Variants in ARFIP1 observed in about 807,000 individuals in gnomAD.
ARFIP1 encodes ARF interacting protein 1, also known as arfaptin-1.
ARFIP1 carries 24 observed loss-of-function variants against 42.5 expected under a neutral mutation model. The ratio of observed to expected loss-of-function variants is 0.57; its 90% CI spans 0.41 to 0.80. The LOEUF (loss-of-function observed/expected upper bound fraction) is 0.80. Among genes scored for constraint, ARFIP1 ranks in the 30% least tolerant of loss-of-function variants. The probability of loss-of-function intolerance (pLI) is 0.00; values close to 1 mark genes in which losing one functional copy is unlikely to be tolerated. For missense variants in ARFIP1, 354 were observed against 434.0 expected (o/e 0.82, Z 1.64); for synonymous variants, 141 against 153.7 (o/e 0.92, Z 0.61).
At chr4:152,834,768 G>C (rs1578896321) in intron 2 of ARFIP1, among the ~76,000 whole-genome samples, 1 of 152,206 alleles carries the variant, frequency 6.6e-6, no homozygotes, top group Non-Finnish European at 1.5e-5. Flanking sequence ...GGTCTGGAGG[G>C]TGGTGGCTCC....
chr4:152,802,215 G>A (rs907686080), intron 1 of ARFIP1, among the ~76,000 whole-genome samples: 28 of 152,182 alleles, frequency 1.8e-4, no homozygotes, highest in African/African-American at 6.7e-4. Flanking sequence ...TTTGGTATTG[G>A]AACAAAATAT....
intron 5 of ARFIP1, among the ~76,000 whole-genome samples, chr4:152,877,208 C>G (rs1224770692): frequency 6.6e-6 from 1 of 152,162 alleles, no homozygotes; most frequent in Non-Finnish European, 1.5e-5. Flanking sequence ...CTCAGACATT[C>G]AACGCCAGCC....
At chr4:152,891,054 T>A (rs1579020815) in intron 8 of ARFIP1, among the ~76,000 whole-genome samples, 1 of 152,220 alleles carries the variant, frequency 6.6e-6, no homozygotes, top group South Asian at 2.1e-4. Context: ...AGATGGCTCC[T>A]TGCTATATCC....
At chr4:152,817,625 C>T (rs747510681) in intron 1 of ARFIP1, among the ~76,000 whole-genome samples, 18 of 152,164 alleles carry the variant, frequency 1.2e-4, no homozygotes, top group Non-Finnish European at 2.4e-4. Context: ...AAATGAAAAA[C>T]TTCTGTGCAT....
At chr4:152,897,671 A>T (rs1047578051) in intron 8 of ARFIP1, among the ~76,000 whole-genome samples, 2 of 152,174 alleles carry the variant, frequency 1.3e-5, no homozygotes, top group African/African-American at 4.8e-5. Flanking sequence ...GTTGATATAC[A>T]TGTGTGCTCT....
chr4:152,840,761 C>T (rs562927409), intron 2 of ARFIP1, among the ~76,000 whole-genome samples: 1 of 149,598 alleles, frequency 6.7e-6, no homozygotes, highest in Non-Finnish European at 1.5e-5. Context: ...TCTTGTTGCC[C>T]AGGGTGGAGT....
At chr4:152,822,630 A>G (rs1411992709) in intron 1 of ARFIP1, among the ~76,000 whole-genome samples, 1 of 152,196 alleles carries the variant, frequency 6.6e-6, no homozygotes, top group African/African-American at 2.4e-5. Flanking sequence ...ATCAGCACAC[A>G]CAACATTCTC....
rs1358260747 is a variant in ARFIP1, at chr4:152,780,175, C to G, written c.-61C>G. On this transcript the variant is annotated 5_prime_UTR_variant, in exon 1 of 9. Transcript: ENST00000353617. Reference sequence around the variant, plus strand: ...CCAGGGTTGAGGCGATTCCAGAGAGCGGCGGAAAGGATAAGCCTCGACTTA... The same window carrying G: ...CCAGGGTTGAGGCGATTCCAGAGAGGGGCGGAAAGGATAAGCCTCGACTTA... 3 of 152,260 alleles carry G rather than the reference C, an allele frequency of 2.0e-5. No individual in the cohort carries two copies. Among genetic ancestry groups the G allele is most frequent in the Non-Finnish European group, 2.9e-5 (2 of 68,090 alleles). The allele number at this position is 152,260 out of a possible 1,614,324, so 9.4% of individuals were successfully genotyped here. A position where few individuals can be genotyped will look rare whatever the true frequency, so the allele number is the denominator to read the frequency against.
chr4:152,890,328 T>C (rs973244822), intron 8 of ARFIP1, among the ~76,000 whole-genome samples: 4 of 152,112 alleles, frequency 2.6e-5, no homozygotes, highest in Non-Finnish European at 5.9e-5. Flanking sequence ...GGAGACACTT[T>C]TCATTTATAG....
chr4:152,871,436 C>T (rs1734874422), intron 4 of ARFIP1, among the ~76,000 whole-genome samples: 1 of 152,100 alleles, frequency 6.6e-6, no homozygotes, highest in Non-Finnish European at 1.5e-5. Flanking sequence ...AAATGAACTC[C>T]ACGTTTCTTC....
At chr4:152,787,912 A>G (rs929112684) in intron 1 of ARFIP1, among the ~76,000 whole-genome samples, 4 of 152,214 alleles carry the variant, frequency 2.6e-5, no homozygotes, top group South Asian at 4.1e-4. Context: ...CAGTTTGACT[A>G]TTTCTTTCAA....
Position 152,870,846 on chromosome 4 carries a change from C to T in ARFIP1, c.296C>T (p.Ala99Val). ...CAAGGAAGTGATTTAATTGTTCCTG[C>T]AGGTATTCACTGCACTGATTGGATA... Reference protein sequence around the residue: ...AQQGSDLIVPAGGQRTQTKSG... With the variant: ...AQQGSDLIVPVGGQRTQTKSG... Residue 99 changes from alanine (A) to valine (V), a missense_variant and splice_region_variant, in exon 4 of 9, where the codon GCA becomes GTA. Physicochemically the swap from Ala to Val is moderately conservative, Grantham distance 64. Coordinates refer to ENST00000353617, the MANE Select transcript of ARFIP1 (RefSeq NM_001025595.3). 3 of 1,609,900 alleles carry T rather than the reference C, an allele frequency of 1.9e-6. No homozygotes were observed. Among genetic ancestry groups the T allele is most frequent in the Non-Finnish European group, 2.6e-6 (3 of 1,176,330 alleles).
intron 1 of ARFIP1, among the ~76,000 whole-genome samples, chr4:152,787,436 C>T (rs953738403): frequency 6.6e-6 from 1 of 152,206 alleles, no homozygotes; most frequent in Non-Finnish European, 1.5e-5. Flanking sequence ...GAAAAAAGAC[C>T]TGCCTAGCCC....
chr4:152,848,621 C>T (rs969382385), intron 2 of ARFIP1, among the ~76,000 whole-genome samples: 1 of 150,958 alleles, frequency 6.6e-6, no homozygotes, highest in Admixed American at 6.7e-5. Flanking sequence ...TGTTGGAACA[C>T]TGTTCCTCCA....
At chr4:152,813,885 G>A (rs946632827) in intron 1 of ARFIP1, among the ~76,000 whole-genome samples, 5 of 152,110 alleles carry the variant, frequency 3.3e-5, no homozygotes, top group Middle Eastern at 6.8e-3. Flanking sequence ...GTTATTTACC[G>A]TTTCACTTCC....
chr4:152,863,575 A>G (rs773304818), intron 2 of ARFIP1, 31 bp from the exon 3 acceptor site: 3 of 1,314,174 alleles, frequency 2.3e-6, no homozygotes, highest in Non-Finnish European at 3.3e-6. Context: ...TTTTTTTACA[A>G]AGTTTTTTCT....
At chr4:152,815,180 T>G (rs560071893) in intron 1 of ARFIP1, among the ~76,000 whole-genome samples, 78 of 152,284 alleles carry the variant, frequency 5.1e-4, no homozygotes, top group Non-Finnish European at 9.7e-4. Flanking sequence ...TTCTTCTGCT[T>G]CTTTTTTTTT....
At chr4:152,894,087 A>C (rs369879218) in intron 8 of ARFIP1, among the ~76,000 whole-genome samples, 5 of 151,852 alleles carry the variant, frequency 3.3e-5, no homozygotes, top group East Asian at 3.9e-4. Context: ...GCGTGCCCAT[A>C]ATTCCAGCTA....
In ARFIP1 at chr4:152,888,418, A is replaced by G. The variant is rs1736449401; in HGVS notation, c.966+111A>G. On this transcript the variant is annotated intron_variant, in intron 8 of 8. Coordinates refer to ENST00000353617, the MANE Select transcript of ARFIP1 (RefSeq NM_001025595.3). ...CTCTTGTATGACAATTGCAAGAAGGAATTCCATTTGTAATCAGTGTTTGAG... is the reference window on the plus strand; with the variant it reads ...CTCTTGTATGACAATTGCAAGAAGGGATTCCATTTGTAATCAGTGTTTGAG... The G allele has an allele frequency of 4.1e-6, 3 of 732,628 alleles. No individual in the cohort carries two copies. The Admixed American group carries it at 1.1e-4, about 26-fold the overall frequency. 45.4% of individuals were successfully genotyped at this position (732,628 alleles called of 1,614,324 possible).
Sources: allele counts gnomAD v4.1 joint callset (sites outside exome capture counted in the v4.1 genomes callset), GRCh38; gene constraint gnomAD v4.1.1; transcripts MANE v1.5; gene names NCBI Gene and HGNC (gene_info 2026-07-23, HGNC 2026-07-21).